Variants in RORA observed in about 807,000 individuals in gnomAD.
RORA encodes the protein nuclear receptor ROR-alpha.
A neutral mutation model predicts 69.5 loss-of-function variants in RORA; 7 were observed. The ratio of observed to expected loss-of-function variants is 0.10; its 90% CI spans 0.06 to 0.19. The LOEUF (loss-of-function observed/expected upper bound fraction) is 0.19. Among genes scored for constraint, RORA ranks in the 10% least tolerant of loss-of-function variants. RORA has a pLI of 1.00. For missense variants in RORA, 457 were observed against 663.0 expected (o/e 0.69, Z 3.41); for synonymous variants, 261 against 240.8 (o/e 1.08, Z -0.78).
intron 1 of RORA, among the ~76,000 whole-genome samples, chr15:61,118,645 G>A (rs2079071956): frequency 6.6e-6 from 1 of 152,126 alleles, no homozygotes; most frequent in African/African-American, 2.4e-5. Flanking sequence ...AGAGGTGAGA[G>A]AGAGCAGCTC....
chr15:61,191,381 A>G (rs1477324402), intron 1 of RORA, among the ~76,000 whole-genome samples: 2 of 142,626 alleles, frequency 1.4e-5, no homozygotes, highest in Admixed American at 7.1e-5. Flanking sequence ...AAAAAAAAAA[A>G]GAAAGAAATC....
At chr15:60,827,215 C>T (rs1307005109) in intron 1 of RORA, among the ~76,000 whole-genome samples, 1 of 152,162 alleles carries the variant, frequency 6.6e-6, no homozygotes, top group Non-Finnish European at 1.5e-5. Context: ...TTTTTCAGGG[C>T]TGAGGCACTG....
intron 1 of RORA, among the ~76,000 whole-genome samples, chr15:60,748,975 A>G (rs2071685938): frequency 6.6e-6 from 1 of 152,196 alleles, no homozygotes; most frequent in African/African-American, 2.4e-5. Context: ...ATTTTGTATA[A>G]TAGATAATTA....
intron 1 of RORA, among the ~76,000 whole-genome samples, chr15:60,713,103 C>T (rs931062840): frequency 6.6e-5 from 10 of 152,098 alleles, no homozygotes; most frequent in African/African-American, 2.2e-4. Flanking sequence ...AAGATCATAC[C>T]AAATTGTTCT....
chr15:60,979,268 C>CT lies in RORA; in HGVS notation c.166+249784dup, dbSNP rs767729204. ...CGTGAGCCACCGCACCTAGCCCTTGCTTTTTTTTTTTTTTTTTTTTTTTCC... is the reference window on the plus strand; with the variant it reads ...CGTGAGCCACCGCACCTAGCCCTTGCTTTTTTTTTTTTTTTTTTTTTTTTCC... On this transcript the variant is annotated intron_variant, in intron 1 of 10. Transcript: ENST00000335670. Among the ~76,000 whole-genome samples, 334 of 64,220 alleles carry CT rather than the reference C, an allele frequency of 5.2e-3. 6 individuals carry two copies. The highest frequency in any genetic ancestry group is 0.01 in the African/African-American group (193 of 18,540). 42.1% of individuals were successfully genotyped at this position (64,220 alleles called of 152,430 possible). A position where few individuals can be genotyped will look rare whatever the true frequency, so the allele number is the denominator to read the frequency against.
chr15:60,966,153 C>T (rs1158613732), intron 1 of RORA, among the ~76,000 whole-genome samples: 1 of 152,174 alleles, frequency 6.6e-6, no homozygotes, highest in Non-Finnish European at 1.5e-5. Context: ...CTTCATATCA[C>T]CTTCTCTCTG....
chr15:61,089,142 G>C (rs575650173), intron 1 of RORA, among the ~76,000 whole-genome samples: 178 of 152,160 alleles, frequency 1.2e-3, no homozygotes, highest in Non-Finnish European at 2.2e-3. Flanking sequence ...CAAGATAAAT[G>C]AATCAGCACC....
chr15:60,679,990 C>T (rs1226713369), intron 1 of RORA, among the ~76,000 whole-genome samples: 1 of 152,072 alleles, frequency 6.6e-6, no homozygotes, highest in Non-Finnish European at 1.5e-5. Context: ...GAAGTTAGAA[C>T]CTTCTAAAAA....
At chr15:60,596,882 ACACC>A (rs2068678076) in intron 2 of RORA, among the ~76,000 whole-genome samples, 1 of 152,166 alleles carries the variant, frequency 6.6e-6, no homozygotes, top group African/African-American at 2.4e-5. Context: ...TTACACACTC[ACACC>A]CACCCACACA....
intron 1 of RORA, among the ~76,000 whole-genome samples, chr15:60,867,222 C>A (rs1352034768): frequency 6.6e-6 from 1 of 152,070 alleles, no homozygotes; most frequent in Non-Finnish European, 1.5e-5. Flanking sequence ...GTCCTGAGTT[C>A]TTTGATCTGT....
intron 1 of RORA, among the ~76,000 whole-genome samples, chr15:60,793,361 T>C (rs1261204414): frequency 6.6e-6 from 1 of 152,110 alleles, no homozygotes; most frequent in Non-Finnish European, 1.5e-5. Flanking sequence ...TCCTTTGGAG[T>C]CTCATCACTT....
At chr15:60,798,918 T>G (rs2140355698) in intron 1 of RORA, among the ~76,000 whole-genome samples, 1 of 150,120 alleles carries the variant, frequency 6.7e-6, no homozygotes, top group Non-Finnish European at 1.5e-5. Context: ...GGCATCTAGT[T>G]ATTGCTCAAT....
chr15:60,812,157 T>G (rs2072753355), intron 1 of RORA, among the ~76,000 whole-genome samples: 1 of 152,180 alleles, frequency 6.6e-6, no homozygotes, highest in African/African-American at 2.4e-5. Context: ...CCTTAATTTC[T>G]CCATCTATAA....
Position 60,516,104 on chromosome 15 carries a change from TATA to T in RORA, c.283-1350_283-1348del, listed in dbSNP as rs2065910214. On this transcript the variant is annotated intron_variant, in intron 3 of 10. Transcript: ENST00000335670. ...ATTTATATATATTTATATATATTTA[TATA>T]TTATATTATATATATTATATTAAAT... is the stretch of plus-strand genomic sequence containing the variant. Among the ~76,000 whole-genome samples, 3 of 77,404 alleles carry T rather than the reference TATA, an allele frequency of 3.9e-5. 1 individual carries two copies. Among genetic ancestry groups the T allele is most frequent in the African/African-American group, 1.0e-4 (2 of 20,012 alleles). The allele number at this position is 77,404 out of a possible 152,430, so 50.8% of individuals were successfully genotyped here. A position where few individuals can be genotyped will look rare whatever the true frequency, so the allele number is the denominator to read the frequency against.
At chr15:60,881,118 A>G (rs1250607456) in intron 1 of RORA, among the ~76,000 whole-genome samples, 1 of 152,264 alleles carries the variant, frequency 6.6e-6, no homozygotes, top group Non-Finnish European at 1.5e-5. Flanking sequence ...TTATGACTCC[A>G]AACTTCATCA....
At chr15:60,813,088 T>C (rs142041194) in intron 1 of RORA, among the ~76,000 whole-genome samples, 1 of 152,308 alleles carries the variant, frequency 6.6e-6, no homozygotes, top group East Asian at 1.9e-4. Context: ...TTCTCTGCCA[T>C]CTGCAACATC....
Position 60,905,000 on chromosome 15 carries a change from G to A in RORA, c.167-226314C>T, listed in dbSNP as rs147523608. Among the ~76,000 whole-genome samples the A allele has an allele frequency of 5.7e-3, 873 of 152,242 alleles. 8 individuals carry two copies. The highest frequency in any genetic ancestry group is 0.02 in the African/African-American group (826 of 41,532). ...TCTTTGGGAACTCAAAAAATGTGAG[G>A]TTGGGATGAGCTGCATGAAGGACTG... On this transcript the variant is annotated intron_variant, in intron 1 of 10. Transcript: ENST00000335670.
intron 2 of RORA, chr15:60,557,939 A>C (rs2067415509): frequency 4.1e-6 from 1 of 244,564 alleles, no homozygotes; most frequent in Admixed American, 5.5e-5. Context: ...TCTGTAGAGA[A>C]TTTTGAATCG....
intron 1 of RORA, among the ~76,000 whole-genome samples, chr15:60,721,615 T>A (rs547132305): frequency 6.6e-6 from 1 of 152,372 alleles, no homozygotes; most frequent in South Asian, 2.1e-4. Context: ...TCTTAACTGC[T>A]AGTAAACAAG....
Sources: gnomAD v4.1 joint callset for allele counts (sites outside exome capture counted in the v4.1 genomes callset) on GRCh38, gnomAD v4.1.1 for gene constraint, MANE v1.5 for transcripts, NCBI Gene and HGNC (gene_info 2026-07-23, HGNC 2026-07-21) for gene names.